MYRIP: variants seen among roughly 807,000 people sequenced by gnomAD.
MYRIP encodes the protein myosin VIIA and Rab interacting protein.
Under a neutral mutation model 98.0 loss-of-function variants are expected in MYRIP, and 49 were observed. The observed-to-expected ratio is 0.50, with a 90% CI of 0.40 to 0.63. MYRIP has a LOEUF of 0.63. Ranked by LOEUF, MYRIP falls within the 30% of genes least tolerant of loss-of-function variation. MYRIP has a pLI of 0.00. For synonymous variants in MYRIP, 404 were observed against 409.5 expected (o/e 0.99, Z 0.16); for missense variants, 1,004 against 1,058.2 (o/e 0.95, Z 0.71).
chr3:39,984,855 T>TA (rs1479723762), intron 2 of MYRIP, among the ~76,000 whole-genome samples: 3 of 151,850 alleles, frequency 2.0e-5, no homozygotes, highest in Admixed American at 6.6e-5. Context: ...AGTGTGAAAG[T>TA]GTTCCTATTT....
intron 11 of MYRIP, among the ~76,000 whole-genome samples, chr3:40,216,847 T>G (rs1952135769): frequency 6.6e-6 from 1 of 152,162 alleles, no homozygotes; most frequent in Non-Finnish European, 1.5e-5. Flanking sequence ...ACTATGAACA[T>G]CACATTTTAC....
chr3:40,102,622 G>A (rs951962018), intron 3 of MYRIP, among the ~76,000 whole-genome samples: 2 of 152,078 alleles, frequency 1.3e-5, no homozygotes, highest in African/African-American at 4.8e-5. Context: ...GCCAGATGAG[G>A]ATGTCCCTGG....
At chr3:40,187,927 G>T (rs145644735) in intron 9 of MYRIP, among the ~76,000 whole-genome samples, 298 of 152,344 alleles carry the variant, frequency 2.0e-3, no homozygotes, top group Middle Eastern at 6.8e-3. Context: ...CTACATGGAA[G>T]TGGTGGAGAG....
intron 13 of MYRIP, 133 bp from the exon 14 acceptor site, chr3:40,250,088 GA>G: frequency 1.4e-6 from 1 of 693,888 alleles, no homozygotes; most frequent in Non-Finnish European, 2.5e-6. Flanking sequence ...GTGTTTGGTA[GA>G]AGTTGAATGA....
intron 2 of MYRIP, among the ~76,000 whole-genome samples, chr3:39,914,920 TC>T (rs1944116182): frequency 2.8e-4 from 34 of 119,974 alleles, no homozygotes; most frequent in Admixed American, 2.7e-3. Flanking sequence ...ATTTTCCCCT[TC>T]CTATAAAGGC....
At chr3:39,957,872 C>T (rs1945208887) in intron 2 of MYRIP, among the ~76,000 whole-genome samples, 1 of 152,060 alleles carries the variant, frequency 6.6e-6, no homozygotes, top group Non-Finnish European at 1.5e-5. Flanking sequence ...ACAAGCATTC[C>T]TATACACCAA....
intron 3 of MYRIP, among the ~76,000 whole-genome samples, chr3:40,098,512 C>T (rs1013776526): frequency 2.8e-4 from 43 of 152,178 alleles, no homozygotes; most frequent in Admixed American, 2.0e-4. Flanking sequence ...CTAAGTTCTA[C>T]ATAAACAGTG....
At chr3:40,210,521 C>T (rs950019179) in intron 11 of MYRIP, among the ~76,000 whole-genome samples, 2 of 152,154 alleles carry the variant, frequency 1.3e-5, no homozygotes, top group Non-Finnish European at 2.9e-5. Flanking sequence ...AGCTCTGCTC[C>T]ATGCTATGGA....
At chr3:40,142,296 G>A (rs201379365) in intron 3 of MYRIP, among the ~76,000 whole-genome samples, 13 of 151,818 alleles carry the variant, frequency 8.6e-5, no homozygotes, top group East Asian at 3.9e-4. Flanking sequence ...CAAGTGATCC[G>A]CCTGCCTCAG....
chr3:40,217,035 A>G (rs1042699819), intron 11 of MYRIP, among the ~76,000 whole-genome samples: 1 of 152,192 alleles, frequency 6.6e-6, no homozygotes, highest in African/African-American at 2.4e-5. Context: ...TATTGTTGTT[A>G]AAGAAGTAAA....
intron 4 of MYRIP, among the ~76,000 whole-genome samples, chr3:40,158,862 C>T (rs1372954112): frequency 6.6e-6 from 1 of 150,378 alleles, no homozygotes; most frequent in Non-Finnish European, 1.5e-5. Flanking sequence ...GATCTTCCTC[C>T]ATCCTTTTAT....
chr3:39,961,046 A>T lies in MYRIP; in HGVS notation c.110+60120A>T, dbSNP rs563944182. 2.6e-5 allele frequency among the ~76,000 whole-genome samples: 4 copies of T among 152,166 alleles called. No individual in the cohort carries two copies. The South Asian group carries it at 8.3e-4, about 31-fold the overall frequency. Reference sequence around the variant, plus strand: ...TTTCCTCTTCTCATTCAAATCTAAGATACAAGCATTTCCCTAACTACTGTT... The same window carrying T: ...TTTCCTCTTCTCATTCAAATCTAAGTTACAAGCATTTCCCTAACTACTGTT... On this transcript the variant is annotated intron_variant, in intron 2 of 16. Coordinates refer to ENST00000302541, the MANE Select transcript of MYRIP (RefSeq NM_015460.4).
At chr3:39,838,135 A>G (rs942101797) in intron 1 of MYRIP, among the ~76,000 whole-genome samples, 4 of 152,206 alleles carry the variant, frequency 2.6e-5, no homozygotes, top group Non-Finnish European at 5.9e-5. Flanking sequence ...TTCTAAATAT[A>G]CAATCATGTC....
At chr3:39,936,091 T>C (rs1309733665) in intron 2 of MYRIP, among the ~76,000 whole-genome samples, 1 of 141,060 alleles carries the variant, frequency 7.1e-6, no homozygotes, top group East Asian at 2.1e-4. Flanking sequence ...TCATCCCCAT[T>C]TTCCTGTTTG....
chr3:40,068,024 A>G (rs370740552), intron 3 of MYRIP, among the ~76,000 whole-genome samples: 42 of 152,332 alleles, frequency 2.8e-4, no homozygotes, highest in African/African-American at 9.9e-4. Flanking sequence ...GTATCAATGT[A>G]TTAACCCATT....
chr3:40,095,974 C>T (rs1243859057), intron 3 of MYRIP, among the ~76,000 whole-genome samples: 1 of 151,462 alleles, frequency 6.6e-6, no homozygotes, highest in African/African-American at 2.4e-5. Context: ...ACATGATATA[C>T]CCAATCTCTC....
intron 3 of MYRIP, among the ~76,000 whole-genome samples, chr3:40,070,187 C>A (rs1424299917): frequency 6.6e-6 from 1 of 152,184 alleles, no homozygotes; most frequent in African/African-American, 2.4e-5. Context: ...AACATACTGA[C>A]TTCCAAGCAA....
At chr3:39,872,244 C>T (rs544039037) in intron 1 of MYRIP, among the ~76,000 whole-genome samples, 57 of 151,954 alleles carry the variant, frequency 3.8e-4, no homozygotes, top group Middle Eastern at 3.4e-3. Context: ...AGTCTCTATA[C>T]GCTTTCGGTC....
chr3:40,067,189 C>T (rs1359625431), intron 3 of MYRIP, among the ~76,000 whole-genome samples: 3 of 152,004 alleles, frequency 2.0e-5, no homozygotes, highest in African/African-American at 7.2e-5. Flanking sequence ...TCTAGGCTTC[C>T]CAGAAGAGAA....
Sources: allele counts gnomAD v4.1 joint callset (sites outside exome capture counted in the v4.1 genomes callset), GRCh38; gene constraint gnomAD v4.1.1; transcripts MANE v1.5; gene names NCBI Gene and HGNC (gene_info 2026-07-23, HGNC 2026-07-21).